SRGAP2B: variants seen among roughly 807,000 people sequenced by gnomAD.
SRGAP2B encodes SLIT-ROBO Rho GTPase-activating protein 2B.
In SRGAP2B, 9 loss-of-function variants were observed where a neutral mutation model predicts 22.2. The observed-to-expected ratio is 0.41, with a 90% confidence interval of 0.24 to 0.71. The LOEUF (loss-of-function observed/expected upper bound fraction) is 0.71, where lower values mean the gene tolerates loss of function less well. Among genes scored for constraint, SRGAP2B ranks in the 30% least tolerant of loss-of-function variants. The pLI is 0.35. For missense variants in SRGAP2B, 114 were observed against 235.8 expected (o/e 0.48, Z 3.38); for synonymous variants, 36 against 87.4 (o/e 0.41, Z 3.28).
intron 2 of SRGAP2B, among the ~76,000 whole-genome samples, chr1:145,002,739 A>G (rs1173079147): frequency 6.8e-6 from 1 of 148,038 alleles, no homozygotes; most frequent in East Asian, 2.0e-4. Flanking sequence ...ATACATTTCA[A>G]AATTTCACAT....
intron 4 of SRGAP2B, among the ~76,000 whole-genome samples, chr1:144,940,577 T>C (rs1210478907): frequency 2.8e-5 from 4 of 140,594 alleles, no homozygotes; most frequent in South Asian, 2.3e-4. Context: ...GGCAGGCAGA[T>C]CACTTGAGTT....
Position 144,966,159 on chromosome 1 carries a change from C to T in SRGAP2B, c.261-10558G>A, listed in dbSNP as rs1214727665. On this transcript the variant is annotated intron_variant, in intron 3 of 9. Transcript: ENST00000612199. Reference sequence around the variant, plus strand: ...CAGAGAACGCCACAAAGACACTCCTCGAGAAGAGCAACTCCAAGACACATA... The same window carrying T: ...CAGAGAACGCCACAAAGACACTCCTTGAGAAGAGCAACTCCAAGACACATA... Among the ~76,000 whole-genome samples, 18 of 148,506 alleles carry T rather than the reference C, an allele frequency of 1.2e-4. 2 individuals carry two copies. Among genetic ancestry groups the T allele is most frequent in the African/African-American group, 4.1e-4 (16 of 38,924 alleles).
chr1:144,977,788 CTG>C (rs1187206970), intron 3 of SRGAP2B, among the ~76,000 whole-genome samples: 1 of 150,510 alleles, frequency 6.6e-6, no homozygotes, highest in Non-Finnish European at 1.5e-5. Flanking sequence ...AATTTTAAAA[CTG>C]TTTACAGATT....
At chr1:144,943,366 A>G (rs181547559) in intron 4 of SRGAP2B, among the ~76,000 whole-genome samples, 1 of 151,638 alleles carries the variant, frequency 6.6e-6, no homozygotes, top group Non-Finnish European at 1.5e-5. Flanking sequence ...GTTTATTGAA[A>G]TGTAAAGGAG....
At chr1:144,943,815 T>C (rs1246290780) in intron 4 of SRGAP2B, among the ~76,000 whole-genome samples, 1 of 149,658 alleles carries the variant, frequency 6.7e-6, no homozygotes, top group Non-Finnish European at 1.5e-5. Context: ...ACTATCCAAA[T>C]GCCATCAACA....
intron 2 of SRGAP2B, among the ~76,000 whole-genome samples, chr1:145,009,286 T>C (rs587680044): frequency 6.7e-6 from 1 of 148,410 alleles, no homozygotes; most frequent in Non-Finnish European, 1.5e-5. Flanking sequence ...GGGTGAGGGA[T>C]ACAGATAAAA....
At chr1:144,954,547 A>G (rs1323194846) in intron 4 of SRGAP2B, among the ~76,000 whole-genome samples, 1 of 150,568 alleles carries the variant, frequency 6.6e-6, no homozygotes, top group African/African-American at 2.5e-5. Context: ...GGGGATGTCA[A>G]TGCTTGAATG....
chr1:144,892,486 CAG>C (rs1662181434), intron 9 of SRGAP2B, 105 bp from the exon 10 acceptor site: 1 of 611,702 alleles, frequency 1.6e-6, no homozygotes, highest in Non-Finnish European at 2.9e-6. Context: ...AGGATGCCAT[CAG>C]AGTGTGCAGC....
At chr1:144,934,398 C>T (rs1237126855) in intron 4 of SRGAP2B, among the ~76,000 whole-genome samples, 3 of 101,458 alleles carry the variant, frequency 3.0e-5, no homozygotes, top group South Asian at 3.4e-4. Flanking sequence ...AGCAAAACTC[C>T]ATCTCAAAAA....
At chr1:144,994,048 A>G (rs1483160475) in intron 3 of SRGAP2B, among the ~76,000 whole-genome samples, 5 of 148,820 alleles carry the variant, frequency 3.4e-5, no homozygotes, top group South Asian at 2.1e-4. Flanking sequence ...TCTTCTTCCA[A>G]TGTGGCCCAG....
intron 2 of SRGAP2B, among the ~76,000 whole-genome samples, chr1:145,058,702 C>T (rs1241367774): frequency 6.0e-5 from 5 of 83,724 alleles, no homozygotes; most frequent in African/African-American, 2.5e-4. Context: ...CAGCTCATTG[C>T]AACCTCTGCC....
chr1:144,972,821 A>T (rs1485206542), intron 3 of SRGAP2B, among the ~76,000 whole-genome samples: 1 of 144,654 alleles, frequency 6.9e-6, no homozygotes, highest in Non-Finnish European at 1.5e-5. Context: ...AACAGAAAAA[A>T]GTAGCCTGGA....
rs1207320907 is a variant in SRGAP2B, at chr1:144,956,676, G to A, written c.261-1075C>T. Among the ~76,000 whole-genome samples, 30 of 149,432 alleles carry A rather than the reference G, an allele frequency of 2.0e-4. 2 individuals carry two copies. Among genetic ancestry groups the A allele is most frequent in the African/African-American group, 7.1e-4 (28 of 39,460 alleles). ...TTGACCATGCTGATCTTGAACTCCC[G>A]ACCTCAAGTGATCCACCCACCTTGG... On this transcript the variant is annotated intron_variant, in intron 3 of 9. Coordinates refer to ENST00000612199, the Ensembl canonical transcript of SRGAP2B.
chr1:144,975,267 A>C (rs1553614003), intron 3 of SRGAP2B, among the ~76,000 whole-genome samples: 1 of 147,270 alleles, frequency 6.8e-6, no homozygotes. Flanking sequence ...ATTTCAAACA[A>C]ATAATATAAC....
rs1198363414 is a variant in SRGAP2B at position 144,905,721 on chromosome 1, C to T, written c.702+138G>A. 2 of 667,368 alleles carry T rather than the reference C, an allele frequency of 3.0e-6. 1 individual carries two copies. The highest frequency in any genetic ancestry group is 3.9e-5 in the African/African-American group (2 of 51,552). The allele number at this position is 667,368 out of a possible 1,614,324, so 41.3% of individuals were successfully genotyped here. On this transcript the variant is annotated intron_variant, in intron 6 of 9. Coordinates refer to ENST00000612199, the Ensembl canonical transcript of SRGAP2B. The stretch of plus-strand genomic sequence containing the variant: ...TTCCTGCCAGGGCACAGAGCAAGGC[C>T]TCATTTTCAGTCATTAGGCACTAAA...
chr1:145,006,119 C>T (rs587643139), intron 2 of SRGAP2B, among the ~76,000 whole-genome samples: 16 of 150,998 alleles, frequency 1.1e-4, no homozygotes, highest in Admixed American at 2.0e-4. Context: ...TCAATCCCAC[C>T]CAGGCTTTCT....
intron 3 of SRGAP2B, among the ~76,000 whole-genome samples, chr1:144,984,370 A>AAC (rs879990199): frequency 2.1e-5 from 3 of 146,316 alleles, no homozygotes; most frequent in African/African-American, 5.3e-5. Flanking sequence ...AACAACAAAA[A>AAC]AAAAAAAACA....
At chr1:144,999,899 TA>T (rs1214724812) in intron 2 of SRGAP2B, among the ~76,000 whole-genome samples, 1 of 147,716 alleles carries the variant, frequency 6.8e-6, no homozygotes, top group Non-Finnish European at 1.5e-5. Flanking sequence ...TGAATATGTT[TA>T]AAAAATTGAA....
At chr1:145,000,073 T>G (rs1671023611) in intron 2 of SRGAP2B, among the ~76,000 whole-genome samples, 1 of 143,164 alleles carries the variant, frequency 7.0e-6, no homozygotes, top group African/African-American at 2.7e-5. Context: ...GAGGAACGGA[T>G]TCTTGGTTTC....
Sources: allele counts gnomAD v4.1 joint callset (sites outside exome capture counted in the v4.1 genomes callset), GRCh38; gene constraint gnomAD v4.1.1; transcripts MANE v1.5; gene names NCBI Gene and HGNC (gene_info 2026-07-23, HGNC 2026-07-21).